GPR89A: variants seen among roughly 807,000 people sequenced by gnomAD.
GPR89A encodes the protein golgi pH regulator A.
GPR89A carries 16 observed loss-of-function variants against 52.0 expected under a neutral mutation model. That is an observed-to-expected ratio of 0.31 (90% CI 0.21 to 0.47). The LOEUF is 0.47. Among genes scored for constraint, GPR89A ranks in the 20% least tolerant of loss-of-function variants. The probability of loss-of-function intolerance (pLI) is 1.00; values close to 1 mark genes in which losing one functional copy is unlikely to be tolerated. For missense variants in GPR89A, 135 were observed against 449.4 expected, an observed-to-expected ratio of 0.30 and a Z score of 6.33; for synonymous variants, 55 against 150.9, an observed-to-expected ratio of 0.36 and a Z score of 4.66.
chr1:145,626,314 A>G (rs1269038075), intron 5 of GPR89A, among the ~76,000 whole-genome samples: 1 of 151,958 alleles, frequency 6.6e-6, no homozygotes, highest in Non-Finnish European at 1.5e-5. Context: ...AGCTCACATG[A>G]CCAGTGCAGC....
chr1:145,647,622 G>A (rs1441034716), intron 10 of GPR89A, among the ~76,000 whole-genome samples: 10 of 151,516 alleles, frequency 6.6e-5, no homozygotes, highest in African/African-American at 2.2e-4. Flanking sequence ...TGGCCAACAT[G>A]GTGAAACCCC....
At chr1:145,652,720 A>G (rs1305624778) in intron 10 of GPR89A, among the ~76,000 whole-genome samples, 1 of 116,312 alleles carries the variant, frequency 8.6e-6, no homozygotes, top group African/African-American at 4.0e-5. Flanking sequence ...CAGTCTTGGG[A>G]GGGTGTATGT....
At position 145,608,185 on chromosome 1, in the gene GPR89A, C is replaced by T; in HGVS notation, c.42+10C>T. On this transcript the variant is annotated intron_variant, in intron 1 of 13. Transcript: ENST00000313835. ...CATGATTACCTCCCAGGTGAGTCAC[C>T]GCCTCCCGCCCCGACACCCGTCCGC... 2 of 1,613,818 alleles carry T rather than the reference C, an allele frequency of 1.2e-6. No individual in the cohort carries two copies. The highest frequency in any genetic ancestry group is 1.7e-6 in the Non-Finnish European group (2 of 1,179,836).
At chr1:145,650,874 T>C (rs1651405112) in intron 10 of GPR89A, among the ~76,000 whole-genome samples, 1 of 152,252 alleles carries the variant, frequency 6.6e-6, no homozygotes, top group South Asian at 2.1e-4. Context: ...TTTAAGTTCC[T>C]TGTAGATTCT....
chr1:145,668,245 G>T (rs1202371271), intron 12 of GPR89A, among the ~76,000 whole-genome samples: 3 of 151,976 alleles, frequency 2.0e-5, no homozygotes, highest in Non-Finnish European at 4.4e-5. Context: ...CTTTTATTTT[G>T]TTGAGCAGTG....
At chr1:145,660,318 C>T (rs1559049073) in intron 10 of GPR89A, among the ~76,000 whole-genome samples, 2 of 152,292 alleles carry the variant, frequency 1.3e-5, no homozygotes, top group South Asian at 4.2e-4. Context: ...GGATTAAAGA[C>T]TTAAACGTTA....
intron 7 of GPR89A, among the ~76,000 whole-genome samples, chr1:145,639,036 C>T (rs1252710586): frequency 4.6e-5 from 7 of 150,682 alleles, no homozygotes; most frequent in Non-Finnish European, 1.0e-4. Context: ...TTTAAATACA[C>T]TACTTACAAT....
chr1:145,609,347 A>G (rs1321304045), intron 1 of GPR89A, among the ~76,000 whole-genome samples: 2 of 152,274 alleles, frequency 1.3e-5, no homozygotes, highest in African/African-American at 4.8e-5. Flanking sequence ...AATAAGAAAG[A>G]AGGAAAAGCC....
chr1:145,613,887 A>G (rs1553686569), intron 1 of GPR89A, among the ~76,000 whole-genome samples: 1 of 151,962 alleles, frequency 6.6e-6, no homozygotes, highest in African/African-American at 2.4e-5. Context: ...GCCAGGCTCA[A>G]GTGGCCCTTC....
At chr1:145,635,825 G>A (rs1553690629) in intron 7 of GPR89A, among the ~76,000 whole-genome samples, 2 of 152,158 alleles carry the variant, frequency 1.3e-5, no homozygotes, top group Non-Finnish European at 1.5e-5. Context: ...TGGGCATAGT[G>A]GTGCATGCCT....
At chr1:145,619,583 T>C (rs1553687688) in intron 3 of GPR89A, among the ~76,000 whole-genome samples, 1 of 151,950 alleles carries the variant, frequency 6.6e-6, no homozygotes, top group Non-Finnish European at 1.5e-5. Flanking sequence ...GACAAGACAA[T>C]GAGACCCCAT....
At chr1:145,646,135 T>A in intron 8 of GPR89A, 49 bp from the exon 9 acceptor site, 1 of 1,613,794 alleles carries the variant, frequency 6.2e-7, no homozygotes, top group Middle Eastern at 1.7e-4. Flanking sequence ...CTCATTGCCA[T>A]TTCTTGAATT....
chr1:145,609,110 CCTT>C (rs1464532499), intron 1 of GPR89A, among the ~76,000 whole-genome samples: 2 of 152,176 alleles, frequency 1.3e-5, no homozygotes, highest in African/African-American at 2.4e-5. Flanking sequence ...TGCCTGTTGA[CCTT>C]CTTCCCCCCA....
intron 10 of GPR89A, among the ~76,000 whole-genome samples, chr1:145,659,265 A>T (rs1244504994): frequency 1.4e-4 from 21 of 151,478 alleles, no homozygotes; most frequent in African/African-American, 5.1e-4. Context: ...GCTCACTGCA[A>T]CCTCCACCTC....
intron 10 of GPR89A, among the ~76,000 whole-genome samples, chr1:145,650,656 T>C (rs1381143263): frequency 6.6e-6 from 1 of 151,394 alleles, no homozygotes; most frequent in African/African-American, 2.5e-5. Flanking sequence ...TGTTGTTTCT[T>C]GACTTTTTAA....
chr1:145,650,675 A>G (rs1651388990), intron 10 of GPR89A, among the ~76,000 whole-genome samples: 1 of 151,428 alleles, frequency 6.6e-6, no homozygotes, highest in Non-Finnish European at 1.5e-5. Flanking sequence ...AATAATTGCC[A>G]TTCTGACTGG....
At chr1:145,656,485 A>G (rs1179167531) in intron 10 of GPR89A, among the ~76,000 whole-genome samples, 2 of 152,098 alleles carry the variant, frequency 1.3e-5, no homozygotes, top group Non-Finnish European at 2.9e-5. Context: ...GGTTGTGCCA[A>G]CTGCCTAGTC....
chr1:145,669,613 C>T lies in GPR89A; in HGVS notation c.1096-12C>T, dbSNP rs1652832403. 1 of 1,610,952 alleles carries T rather than the reference C, an allele frequency of 6.2e-7. No homozygotes were observed. Among genetic ancestry groups the T allele is most frequent in the South Asian group, 1.1e-5 (1 of 90,986 alleles). On this transcript the variant is annotated splice_polypyrimidine_tract_variant and intron_variant, in intron 12 of 13. Transcript: ENST00000313835. ...CACTACTGCATAAATTCATCTCCCTCTTTCTTGACAGTTCTTTTATGCCAT... is the reference window on the plus strand; with the variant it reads ...CACTACTGCATAAATTCATCTCCCTTTTTCTTGACAGTTCTTTTATGCCAT...
At chr1:145,663,717 A>G (rs1271874172) in intron 11 of GPR89A, among the ~76,000 whole-genome samples, 1 of 152,204 alleles carries the variant, frequency 6.6e-6, no homozygotes, top group Non-Finnish European at 1.5e-5. Flanking sequence ...GCTTCTCTAT[A>G]GGCAGCTACC....
Sources: gnomAD v4.1 joint callset for allele counts (sites outside exome capture counted in the v4.1 genomes callset) on GRCh38, gnomAD v4.1.1 for gene constraint, MANE v1.5 for transcripts, NCBI Gene and HGNC (gene_info 2026-07-23, HGNC 2026-07-21) for gene names.